Variants in PRKG1 observed in about 807,000 individuals in gnomAD.
PRKG1 encodes cGMP-dependent protein kinase 1.
Under a neutral mutation model 88.1 loss-of-function variants are expected in PRKG1, and 35 were observed. The observed-to-expected ratio is 0.40, with a 90% confidence interval of 0.30 to 0.53. PRKG1 has a LOEUF of 0.53. PRKG1 is among the 20% of genes least tolerant of loss of function. The pLI, the probability that PRKG1 is intolerant of heterozygous loss-of-function variation, is 0.59. For missense variants in PRKG1, 540 were observed against 839.8 expected (o/e 0.64, Z 4.41); for synonymous variants, 303 against 292.5 (o/e 1.04, Z -0.37).
intron 3 of PRKG1, among the ~76,000 whole-genome samples, chr10:51,570,067 A>ATATATATATATATATGTGTGTG (rs1491310201): frequency 1.1e-4 from 12 of 113,076 alleles, no homozygotes; most frequent in African/African-American, 4.0e-4. Context: ...ATATATATAT[A>ATATATATATATATATGTGTGTG]TGTGTGTGTG....
In PRKG1 at chr10:51,464,652, G is replaced by A. The variant is rs1343667565; in HGVS notation, c.479-3071G>A. On this transcript the variant is annotated intron_variant, in intron 2 of 17. Transcript: ENST00000373980. ...CACGCCTGTAATCCCAGCACTTTGG[G>A]AGGCCGAGGCGGGCGGATCACGAGG... 2.0e-5 allele frequency among the ~76,000 whole-genome samples: 3 copies of A among 152,074 alleles called. No individual in the cohort carries two copies. The East Asian group carries it at 5.8e-4, about 30-fold the overall frequency.
intron 8 of PRKG1, among the ~76,000 whole-genome samples, chr10:52,151,115 G>T (rs1194445788): frequency 6.6e-6 from 1 of 152,116 alleles, no homozygotes; most frequent in Non-Finnish European, 1.5e-5. Flanking sequence ...TAGGGTACAT[G>T]TGCAGTTTTG....
chr10:51,337,990 G>C (rs748760352), intron 2 of PRKG1, among the ~76,000 whole-genome samples: 1 of 152,126 alleles, frequency 6.6e-6, no homozygotes, highest in East Asian at 1.9e-4. Flanking sequence ...CAAAGACATG[G>C]AATCAACTCA....
intron 3 of PRKG1, among the ~76,000 whole-genome samples, chr10:51,610,366 A>T (rs576562879): frequency 1.1e-4 from 17 of 152,132 alleles, no homozygotes; most frequent in Non-Finnish European, 8.8e-5. Context: ...TAGTTCCAAC[A>T]TATATGTGAG....
At chr10:51,866,439 C>A (rs1305466497) in intron 4 of PRKG1, among the ~76,000 whole-genome samples, 1 of 151,986 alleles carries the variant, frequency 6.6e-6, no homozygotes, top group African/African-American at 2.4e-5. Context: ...TGAAGGCCAG[C>A]ATAATTATAA....
chr10:52,110,950 A>C lies in PRKG1; in HGVS notation c.936-22890A>C, dbSNP rs373333294. Among the ~76,000 whole-genome samples, 29 of 152,318 alleles carry C rather than the reference A, an allele frequency of 1.9e-4. No homozygotes were observed. In the East Asian group the frequency reaches 5.0e-3, roughly 26 times the overall value. ...CATTGGACTGAGAAAGTACCTAACT[A>C]ACCATGGCCAAGAAATGTTCACCAA... On this transcript the variant is annotated intron_variant, in intron 7 of 17. Coordinates refer to ENST00000373980, the MANE Select transcript of PRKG1 (RefSeq NM_006258.4).
chr10:51,959,220 T>G (rs749578645), intron 5 of PRKG1, among the ~76,000 whole-genome samples: 1 of 152,202 alleles, frequency 6.6e-6, no homozygotes, highest in African/African-American at 2.4e-5. Context: ...GATAGTGTTA[T>G]GTGAGAAATG....
At chr10:52,091,548 T>C (rs912689594) in intron 7 of PRKG1, among the ~76,000 whole-genome samples, 2 of 152,202 alleles carry the variant, frequency 1.3e-5, no homozygotes, top group Admixed American at 1.3e-4. Context: ...TTTCATTCAG[T>C]CTTGTTCCTA....
At position 51,744,108 on chromosome 10, in the gene PRKG1, C is replaced by G. The variant is rs369021550; in HGVS notation, c.593-60477C>G. ...GAATAAAATAATGGTTATAGTAATA[C>G]TATTCATATACTTAAAATAGTAGTA... On this transcript the variant is annotated intron_variant, in intron 3 of 17. Coordinates refer to ENST00000373980, the MANE Select transcript of PRKG1 (RefSeq NM_006258.4). Among the ~76,000 whole-genome samples the G allele has an allele frequency of 1.1e-3, 162 of 152,014 alleles. 1 individual carries two copies. The highest frequency in any genetic ancestry group is 3.7e-3 in the African/African-American group (155 of 41,458).
intron 3 of PRKG1, among the ~76,000 whole-genome samples, chr10:51,528,825 A>G (rs1394228655): frequency 2.0e-5 from 3 of 152,166 alleles, no homozygotes; most frequent in Non-Finnish European, 4.4e-5. Context: ...ACTAGAGAGC[A>G]TTCAAGAGAA....
chr10:51,120,367 G>A (rs1230086997), intron 1 of PRKG1, among the ~76,000 whole-genome samples: 10 of 152,088 alleles, frequency 6.6e-5, no homozygotes, highest in Admixed American at 6.6e-4. Flanking sequence ...CCCCTGTGAA[G>A]AGGAAAAAGG....
rs60984723 is a variant in PRKG1 at position 51,581,009 on chromosome 10, G to C, written c.592+113173G>C. Among the ~76,000 whole-genome samples, 874 of 152,146 alleles carry C rather than the reference G, an allele frequency of 5.7e-3. 8 individuals carry two copies. The highest frequency in any genetic ancestry group is 0.02 in the African/African-American group (833 of 41,504). On this transcript the variant is annotated intron_variant, in intron 3 of 17. Transcript: ENST00000373980. ...CAAGATAGTGAAAGCTGGGTCCAGG[G>C]GGGGGTCACTGCCTTCTGGTCCCAC... is the stretch of plus-strand genomic sequence containing the variant.
At chr10:51,710,884 G>A (rs1333264511) in intron 3 of PRKG1, among the ~76,000 whole-genome samples, 1 of 152,052 alleles carries the variant, frequency 6.6e-6, no homozygotes. Flanking sequence ...TGTTAATAGA[G>A]ATGGGGGTCT....
intron 3 of PRKG1, among the ~76,000 whole-genome samples, chr10:51,655,373 T>C (rs1220289288): frequency 6.6e-6 from 1 of 152,156 alleles, no homozygotes; most frequent in African/African-American, 2.4e-5. Context: ...CAGCATATAA[T>C]GGATACTTTG....
chr10:51,462,744 A>G (rs945111766), intron 2 of PRKG1, among the ~76,000 whole-genome samples: 7 of 152,216 alleles, frequency 4.6e-5, no homozygotes, highest in Admixed American at 3.3e-4. Context: ...AAAACTATAA[A>G]TAACCCTTTA....
chr10:51,646,294 T>C (rs1430770260), intron 3 of PRKG1, among the ~76,000 whole-genome samples: 1 of 152,132 alleles, frequency 6.6e-6, no homozygotes, highest in Non-Finnish European at 1.5e-5. Flanking sequence ...TATAATAATA[T>C]ATACCTCTGA....
At chr10:51,446,897 G>A (rs1048442208) in intron 2 of PRKG1, among the ~76,000 whole-genome samples, 1 of 151,956 alleles carries the variant, frequency 6.6e-6, no homozygotes, top group South Asian at 2.1e-4. Flanking sequence ...TCATCTGAGA[G>A]ACAAACCTTT....
rs139376174 is a variant in PRKG1, at chr10:51,520,461, G to A, written c.592+52625G>A. Among the ~76,000 whole-genome samples, 1,045 of 151,786 alleles carry A rather than the reference G, an allele frequency of 6.9e-3. 14 individuals carry two copies. Among genetic ancestry groups the A allele is most frequent in the African/African-American group, 0.024 (983 of 41,416 alleles). Reference sequence around the variant, plus strand: ...TCAACATGGGAGAAACAATCACTACGCCAGTCTGTAAATTGCATGAGGAAC... The same window carrying A: ...TCAACATGGGAGAAACAATCACTACACCAGTCTGTAAATTGCATGAGGAAC... On this transcript the variant is annotated intron_variant, in intron 3 of 17. Transcript: ENST00000373980.
At chr10:52,235,791 G>A (rs1335608861) in intron 9 of PRKG1, among the ~76,000 whole-genome samples, 11 of 111,922 alleles carry the variant, frequency 9.8e-5, no homozygotes, top group South Asian at 3.7e-4. Flanking sequence ...CCCAGGAATT[G>A]AACTCAGCTC....
Sources: gnomAD v4.1 joint callset for allele counts (sites outside exome capture counted in the v4.1 genomes callset) on GRCh38, gnomAD v4.1.1 for gene constraint, MANE v1.5 for transcripts, NCBI Gene and HGNC (gene_info 2026-07-23, HGNC 2026-07-21) for gene names.